SLC22A25: variants seen among roughly 807,000 people sequenced by gnomAD.
The protein encoded by SLC22A25 is solute carrier family 22 member 25, also known as MGI:2442751, MGI:2385316, MGI:3042283, MGI:3645714, MGI:3605624, MGI:2442750.
Under a neutral mutation model 45.9 loss-of-function variants are expected in SLC22A25, and 44 were observed. The observed-to-expected ratio is 0.96, with a 90% confidence interval of 0.75 to 1.23. The LOEUF is 1.23. Among genes scored for constraint, SLC22A25 ranks in the 50% most tolerant of loss-of-function variants. The pLI is 0.00. For synonymous variants in SLC22A25, 283 were observed against 238.6 expected (o/e 1.19, Z -1.72); for missense variants, 800 against 666.4 (o/e 1.20, Z -2.21).
At chr11:63,204,731 T>G (rs920891709) in intron 7 of SLC22A25, among the ~76,000 whole-genome samples, 2 of 152,192 alleles carry the variant, frequency 1.3e-5, no homozygotes, top group Admixed American at 6.5e-5. Flanking sequence ...AACACCCCAC[T>G]GTCAATATTA....
At chr11:63,220,760 C>A (rs1375092219) in intron 5 of SLC22A25, among the ~76,000 whole-genome samples, 1 of 152,098 alleles carries the variant, frequency 6.6e-6, no homozygotes, top group Non-Finnish European at 1.5e-5. Context: ...CCCACTTTCC[C>A]CCTGACACAC....
intron 7 of SLC22A25, among the ~76,000 whole-genome samples, chr11:63,187,972 T>C (rs1469367319): frequency 6.6e-6 from 1 of 152,220 alleles, no homozygotes; most frequent in African/African-American, 2.4e-5. Flanking sequence ...GATTTTTGCA[T>C]CAAGGTTCAT....
At chr11:63,236,883 A>G (rs762666420) in intron 3 of SLC22A25, among the ~76,000 whole-genome samples, 1 of 152,018 alleles carries the variant, frequency 6.6e-6, no homozygotes, top group Non-Finnish European at 1.5e-5. Context: ...CTAACTATCT[A>G]CCGGTTCCCC....
At chr11:63,195,320 C>T (rs891279323) in intron 7 of SLC22A25, among the ~76,000 whole-genome samples, 345 of 152,142 alleles carry the variant, frequency 2.3e-3, no homozygotes, top group Non-Finnish European at 3.9e-3. Context: ...AGCACCACAC[C>T]GCACTTATTC....
At chr11:63,235,871 C>A (rs960038732) in intron 3 of SLC22A25, among the ~76,000 whole-genome samples, 1 of 152,200 alleles carries the variant, frequency 6.6e-6, no homozygotes, top group Non-Finnish European at 1.5e-5. Flanking sequence ...AGTCAAGACC[C>A]TCAGCTGCAG....
intron 7 of SLC22A25, among the ~76,000 whole-genome samples, chr11:63,199,605 G>C (rs1403398135): frequency 1.3e-5 from 2 of 151,982 alleles, no homozygotes; most frequent in African/African-American, 2.4e-5. Flanking sequence ...TTTAGTCTAA[G>C]ATAAAATTTA....
intron 9 of SLC22A25, among the ~76,000 whole-genome samples, chr11:63,170,897 T>C (rs1375543226): frequency 3.3e-5 from 5 of 152,004 alleles, no homozygotes; most frequent in Non-Finnish European, 7.4e-5. Flanking sequence ...CTGATGAACA[T>C]CAATGCAAAA....
chr11:63,170,103 T>A (rs1015044045), intron 9 of SLC22A25, among the ~76,000 whole-genome samples: 4 of 152,126 alleles, frequency 2.6e-5, no homozygotes, highest in Non-Finnish European at 5.9e-5. Context: ...AATAAAGAAG[T>A]TATTTGAAAC....
chr11:63,161,331 T>G lies in SLC22A25; in HGVS notation c.*2493A>C, dbSNP rs1472436405. On this transcript the variant is annotated 3_prime_UTR_variant, in exon 12 of 12. Coordinates refer to ENST00000306494, the MANE Select transcript of SLC22A25 (RefSeq NM_199352.6). ...GGACTGTAGACTTTTGAGTTAATGC[T>G]GAAATGAGTTAAAACTTTGGGGGAC... Among the ~76,000 whole-genome samples the G allele has an allele frequency of 2.6e-5, 4 of 152,204 alleles. No individual in the cohort carries two copies. Among genetic ancestry groups the G allele is most frequent in the Non-Finnish European group, 4.4e-5 (3 of 68,034 alleles).
At chr11:63,179,209 A>C (rs1311633254) in intron 9 of SLC22A25, among the ~76,000 whole-genome samples, 1 of 152,080 alleles carries the variant, frequency 6.6e-6, no homozygotes, top group Non-Finnish European at 1.5e-5. Flanking sequence ...CGCCTGCCTC[A>C]GGCTCTCAAA....
chr11:63,213,757 A>C (rs2089639330), intron 7 of SLC22A25, among the ~76,000 whole-genome samples: 1 of 152,156 alleles, frequency 6.6e-6, no homozygotes, highest in Non-Finnish European at 1.5e-5. Context: ...TGTTGCATAA[A>C]TATGGTGGAC....
rs75321089 is a variant in SLC22A25, at chr11:63,211,185, C to T, written c.830+6129G>A. On this transcript the variant is annotated intron_variant, in intron 7 of 11. Coordinates refer to ENST00000306494, the MANE Select transcript of SLC22A25 (RefSeq NM_199352.6). ...GTAGAGCTTAACCCTCATGCTGCCT[C>T]GGTATGAGTCCGTCAATACCCACTA... Among the ~76,000 whole-genome samples the T allele has an allele frequency of 1.2e-3, 184 of 152,196 alleles. 2 individuals are homozygous for T. In the East Asian group the frequency reaches 0.026, roughly 21 times the overall value.
chr11:63,210,777 G>C (rs1002081133), intron 7 of SLC22A25, among the ~76,000 whole-genome samples: 1 of 152,142 alleles, frequency 6.6e-6, no homozygotes, highest in African/African-American at 2.4e-5. Flanking sequence ...TGCTACTATC[G>C]TAGGGGCTAC....
intron 7 of SLC22A25, among the ~76,000 whole-genome samples, chr11:63,213,962 C>T (rs562438264): frequency 5.3e-5 from 8 of 152,284 alleles, no homozygotes; most frequent in African/African-American, 1.9e-4. Flanking sequence ...AATTAAAAGC[C>T]TCAGAAGGAG....
chr11:63,204,557 T>A (rs978682957), intron 7 of SLC22A25, among the ~76,000 whole-genome samples: 3 of 151,790 alleles, frequency 2.0e-5, no homozygotes, highest in Admixed American at 1.3e-4. Context: ...ATCAAAAAAG[T>A]CAAAGAAAGG....
rs2087518844 is a variant in SLC22A25, at chr11:63,159,586, G to A, written c.*4238C>T. 6.6e-6 allele frequency among the ~76,000 whole-genome samples: 1 copy of A among 152,150 alleles called. No homozygotes were observed. The highest frequency in any genetic ancestry group is 2.1e-4 in the South Asian group (1 of 4,824). On this transcript the variant is annotated 3_prime_UTR_variant, in exon 12 of 12. Transcript: ENST00000306494. ...ACCTCTTTTCTTTATAACTTACCCA[G>A]TCTCAGGTATGTCTTTATCAGCAGC...
chr11:63,220,365 A>C (rs898949507), intron 5 of SLC22A25, among the ~76,000 whole-genome samples: 1 of 152,176 alleles, frequency 6.6e-6, no homozygotes, highest in African/African-American at 2.4e-5. Flanking sequence ...GCTGAATTCC[A>C]TGTCGTGAAA....
chr11:63,226,283 C>T (rs1321191815), intron 5 of SLC22A25, among the ~76,000 whole-genome samples: 1 of 152,058 alleles, frequency 6.6e-6, no homozygotes, highest in Non-Finnish European at 1.5e-5. Context: ...ACTCGTCCTT[C>T]TTGGGTAGAC....
Position 63,210,744 on chromosome 11 carries a change from A to G in SLC22A25, c.830+6570T>C, listed in dbSNP as rs552586486. On this transcript the variant is annotated intron_variant, in intron 7 of 11. Coordinates refer to ENST00000306494, the MANE Select transcript of SLC22A25 (RefSeq NM_199352.6). ...TGATTACTCTGTGGTAACTCACCCAATTAGCCCCTCCACGAAGAACTGTGC... is the reference window on the plus strand; with the variant it reads ...TGATTACTCTGTGGTAACTCACCCAGTTAGCCCCTCCACGAAGAACTGTGC... Among the ~76,000 whole-genome samples, 563 of 152,258 alleles carry G rather than the reference A, an allele frequency of 3.7e-3. 2 individuals carry two copies. Among genetic ancestry groups the G allele is most frequent in the Non-Finnish European group, 6.0e-3 (407 of 68,026 alleles).
Sources: gnomAD v4.1 joint callset for allele counts (sites outside exome capture counted in the v4.1 genomes callset) on GRCh38, gnomAD v4.1.1 for gene constraint, MANE v1.5 for transcripts, NCBI Gene and HGNC (gene_info 2026-07-23, HGNC 2026-07-21) for gene names.